Variants in ZC3H12B observed in about 807,000 individuals in gnomAD.
ZC3H12B encodes zinc finger CCCH-type containing 12B.
In ZC3H12B, 7 loss-of-function variants were observed where a neutral mutation model predicts 43.9. The observed-to-expected ratio is 0.16, with a 90% CI of 0.09 to 0.30. The LOEUF is 0.30. ZC3H12B is among the 10% of genes least tolerant of loss of function. The pLI is 1.00. For synonymous variants in ZC3H12B, 222 were observed against 241.7 expected, an observed-to-expected ratio of 0.92 and a Z score of 0.76; for missense variants, 475 against 670.2, an observed-to-expected ratio of 0.71 and a Z score of 3.22.
At chrX:65,316,182 A>G in the ZC3H12B span, among the ~76,000 whole-genome samples, 5 of 112,106 alleles carry the variant, frequency 4.5e-5, no homozygotes, top group Non-Finnish European at 7.5e-5. Flanking sequence ...GATTATGTAA[A>G]CAGACCAAAG....
chrX:65,292,941 G>A, the ZC3H12B span, among the ~76,000 whole-genome samples: 5 of 112,092 alleles, frequency 4.5e-5, no homozygotes, highest in Non-Finnish European at 9.4e-5. Context: ...CCATGACTGT[G>A]CCACTGCACT....
the ZC3H12B span, among the ~76,000 whole-genome samples, chrX:65,316,473 G>A: frequency 8.9e-6 from 1 of 112,020 alleles, no homozygotes; most frequent in Non-Finnish European, 1.9e-5. Context: ...AACCTAATAA[G>A]CCAGAAGAGA....
the ZC3H12B span, among the ~76,000 whole-genome samples, chrX:65,247,634 G>A: frequency 8.9e-6 from 1 of 112,536 alleles, no homozygotes; most frequent in Non-Finnish European, 1.9e-5. Context: ...AACTAATGAA[G>A]GGACAGAAAA....
At chrX:65,293,337 A>G in the ZC3H12B span, among the ~76,000 whole-genome samples, 1 of 110,689 alleles carries the variant, frequency 9.0e-6, no homozygotes, top group African/African-American at 3.3e-5. Context: ...CTTGGGACAA[A>G]AAAAAATCTG....
At chrX:65,120,498 T>G in the ZC3H12B span, among the ~76,000 whole-genome samples, 1 of 112,001 alleles carries the variant, frequency 8.9e-6, no homozygotes, top group African/African-American at 3.2e-5. Flanking sequence ...ATGTTGATTT[T>G]GTATCCTGAG....
chrX:65,288,510 A>G, the ZC3H12B span, among the ~76,000 whole-genome samples: 1 of 112,736 alleles, frequency 8.9e-6, no homozygotes, highest in Non-Finnish European at 1.9e-5. Context: ...CGTGTATAAA[A>G]GAATAAATGT....
chrX:65,475,249 A>T (rs1007058405), intron 3 of ZC3H12B, among the ~76,000 whole-genome samples: 4 of 111,614 alleles, frequency 3.6e-5, no homozygotes, highest in African/African-American at 1.3e-4. Flanking sequence ...TAATCTATAT[A>T]TCTCTATTTT....
chrX:65,407,230 C>T (rs2148059552), intron 3 of ZC3H12B, among the ~76,000 whole-genome samples: 1 of 112,358 alleles, frequency 8.9e-6, no homozygotes, highest in East Asian at 2.9e-4. Flanking sequence ...CCGTGCAGGG[C>T]GAGTGCGCGC....
the ZC3H12B span, among the ~76,000 whole-genome samples, chrX:65,274,572 T>A: frequency 9.2e-6 from 1 of 108,968 alleles, no homozygotes; most frequent in African/African-American, 3.4e-5. Flanking sequence ...CCACACATAA[T>A]GAACCCACTC....
intron 2 of ZC3H12B, among the ~76,000 whole-genome samples, chrX:65,395,190 AC>A (rs991806447): frequency 2.7e-5 from 3 of 111,443 alleles, no homozygotes; most frequent in East Asian, 2.8e-4. Flanking sequence ...CTATTTGAAT[AC>A]CCTTTATTTC....
At chrX:65,230,386 G>C in the ZC3H12B span, among the ~76,000 whole-genome samples, 10 of 108,905 alleles carry the variant, frequency 9.2e-5, no homozygotes, top group Admixed American at 4.9e-4. Flanking sequence ...GACTGTTGTG[G>C]GATGGGGGGA....
chrX:65,412,408 T>A (rs1211532667), intron 3 of ZC3H12B, among the ~76,000 whole-genome samples: 1 of 112,193 alleles, frequency 8.9e-6, no homozygotes, highest in Non-Finnish European at 1.9e-5. Flanking sequence ...TTTTGCCTAT[T>A]GTGAATAATG....
At chrX:65,446,815 T>C (rs1462576969) in intron 3 of ZC3H12B, among the ~76,000 whole-genome samples, 1 of 112,104 alleles carries the variant, frequency 8.9e-6, no homozygotes, top group East Asian at 2.8e-4. Flanking sequence ...AACCAGGTAC[T>C]GTGACCATTC....
At chrX:65,142,035 G>A in the ZC3H12B span, among the ~76,000 whole-genome samples, 1 of 112,046 alleles carries the variant, frequency 8.9e-6, no homozygotes, top group Non-Finnish European at 1.9e-5. Flanking sequence ...ACCCAGTAGT[G>A]GGATTGCTGA....
chrX:65,184,777 T>C, the ZC3H12B span, among the ~76,000 whole-genome samples: 2 of 111,587 alleles, frequency 1.8e-5, no homozygotes, highest in Non-Finnish European at 3.8e-5. Context: ...ATTAGTAATA[T>C]GTAAAACTGA....
At chrX:65,211,653 A>C in the ZC3H12B span, among the ~76,000 whole-genome samples, 4 of 93,582 alleles carry the variant, frequency 4.3e-5, no homozygotes, top group African/African-American at 1.6e-4. Context: ...GCCTGTAATT[A>C]TATATACATA....
the ZC3H12B span, among the ~76,000 whole-genome samples, chrX:65,069,910 AT>A: frequency 9.1e-6 from 1 of 110,340 alleles, no homozygotes; most frequent in African/African-American, 3.3e-5. Flanking sequence ...CTGAAGTTTT[AT>A]TTTTTGTGTT....
chrX:65,101,665 C>T, the ZC3H12B span, among the ~76,000 whole-genome samples: 2 of 111,758 alleles, frequency 1.8e-5, no homozygotes, highest in African/African-American at 6.5e-5. Context: ...TTCCTGGACA[C>T]ATACACCCTC....
chrX:65,123,906 TTTC>T, the ZC3H12B span, among the ~76,000 whole-genome samples: 2 of 110,394 alleles, frequency 1.8e-5, no homozygotes, highest in African/African-American at 6.6e-5. Flanking sequence ...TCTTTAGGGT[TTTC>T]TAAGTGTATG....
Sources: allele counts gnomAD v4.1 joint callset (sites outside exome capture counted in the v4.1 genomes callset), GRCh38; gene constraint gnomAD v4.1.1; transcripts MANE v1.5; gene names NCBI Gene and HGNC (gene_info 2026-07-23, HGNC 2026-07-21).